XRCC5: variants seen among roughly 807,000 people sequenced by gnomAD.
The protein encoded by XRCC5 is DNA repair protein Ku80.
In XRCC5, 12 loss-of-function variants were observed where a neutral mutation model predicts 95.7. The observed-to-expected ratio is 0.13, with a 90% CI of 0.08 to 0.20. The LOEUF (loss-of-function observed/expected upper bound fraction) is 0.20. XRCC5 is among the 10% of genes least tolerant of loss of function. The pLI is 1.00. For synonymous variants in XRCC5, 281 were observed against 290.3 expected, an observed-to-expected ratio of 0.97 and a Z score of 0.33; for missense variants, 595 against 873.9, an observed-to-expected ratio of 0.68 and a Z score of 4.02.
intron 2 of XRCC5, among the ~76,000 whole-genome samples, chr2:216,114,543 T>TGA (rs1351487776): frequency 6.6e-6 from 1 of 150,650 alleles, no homozygotes; most frequent in Non-Finnish European, 1.5e-5. Context: ...TGGGCATTTG[T>TGA]GAAGCCATGG....
At chr2:216,166,106 T>A (rs2106030147) in intron 16 of XRCC5, among the ~76,000 whole-genome samples, 1 of 152,278 alleles carries the variant, frequency 6.6e-6, no homozygotes, top group South Asian at 2.1e-4. Flanking sequence ...AGAGTTAGAA[T>A]AGAAAACAAT....
Position 216,117,748 on chromosome 2 carries a change from C to G in XRCC5, c.322C>G (p.Leu108Val). The G allele has an allele frequency of 6.2e-7, 1 of 1,614,028 alleles. No individual in the cohort carries two copies. The highest frequency in any genetic ancestry group is 8.5e-7 in the Non-Finnish European group (1 of 1,179,960). The change falls in exon 4 of 21, where the codon CTG becomes GTG. Residue 108 changes from leucine to valine, a missense_variant and splice_region_variant. Leu to Val is a conservative substitution (Grantham distance 32). Coordinates refer to ENST00000392132, the MANE Select transcript of XRCC5 (RefSeq NM_021141.4). ...ATCCCTATCCTTAACTAGCTGAGTCCTGGATGCACTAATCGTGAGCATGGA... is the reference window on the plus strand; with the variant it reads ...ATCCCTATCCTTAACTAGCTGAGTCGTGGATGCACTAATCGTGAGCATGGA... ...IQPGSQQADF[L>V]DALIVSMDVI...
intron 6 of XRCC5, among the ~76,000 whole-genome samples, chr2:216,123,603 C>T (rs562145104): frequency 7.9e-5 from 12 of 152,208 alleles, no homozygotes; most frequent in South Asian, 2.1e-4. Context: ...GTCAGGAGTT[C>T]GAGACCAGCC....
intron 6 of XRCC5, among the ~76,000 whole-genome samples, chr2:216,125,371 AT>A (rs965085761): frequency 2.6e-5 from 4 of 151,792 alleles, no homozygotes; most frequent in Non-Finnish European, 5.9e-5. Context: ...CTAATTTTGT[AT>A]TTTTACTAGA....
chr2:216,136,132 G>A (rs1244505770), intron 10 of XRCC5, among the ~76,000 whole-genome samples: 3 of 152,004 alleles, frequency 2.0e-5, no homozygotes, highest in African/African-American at 4.8e-5. Context: ...CGAGGCAGGC[G>A]GATCACCTGA....
chr2:216,160,659 C>T (rs1253187425), intron 15 of XRCC5, among the ~76,000 whole-genome samples: 3 of 149,278 alleles, frequency 2.0e-5, no homozygotes, highest in Non-Finnish European at 3.0e-5. Context: ...CTTGAAAATA[C>T]TACCTTAATT....
chr2:216,133,240 A>T (rs1257357600), intron 10 of XRCC5, among the ~76,000 whole-genome samples: 1 of 152,276 alleles, frequency 6.6e-6, no homozygotes, highest in Admixed American at 6.5e-5. Context: ...TGAATCTTCA[A>T]ATTTGAGAAT....
chr2:216,130,236 CTTTT>C (rs5838568), intron 8 of XRCC5, among the ~76,000 whole-genome samples: 1 of 125,692 alleles, frequency 8.0e-6, no homozygotes, highest in Admixed American at 7.7e-5. Flanking sequence ...CAGGGCTGGA[CTTTT>C]TTTTTTTTTT....
chr2:216,171,070 A>G (rs189722308), intron 16 of XRCC5, among the ~76,000 whole-genome samples: 80 of 152,328 alleles, frequency 5.3e-4, no homozygotes, highest in Non-Finnish European at 8.5e-4. Flanking sequence ...GCTGGTGGCA[A>G]ACAACAGACG....
chr2:216,159,379 T>C (rs1199597276), intron 14 of XRCC5, among the ~76,000 whole-genome samples: 1 of 152,246 alleles, frequency 6.6e-6, no homozygotes, highest in Non-Finnish European at 1.5e-5. Context: ...GCATGTTGCT[T>C]GAGGCAAGAT....
chr2:216,196,286 T>C (rs1365496180), intron 19 of XRCC5, among the ~76,000 whole-genome samples: 3 of 151,898 alleles, frequency 2.0e-5, no homozygotes, highest in Non-Finnish European at 4.4e-5. Context: ...TGAAGCATAC[T>C]GTAAGATGGT....
Position 216,205,284 on chromosome 2 carries a change from T to C in XRCC5, c.*82T>C. On this transcript the variant is annotated 3_prime_UTR_variant, in exon 21 of 21. Coordinates refer to ENST00000392132, the MANE Select transcript of XRCC5 (RefSeq NM_021141.4). ...TAACAAAACAAGTTGGATGCGGCCA[T>C]TCAAGGGGAGCCAAAATCTCAAGAA... 6.3e-7 allele frequency: 1 copy of C among 1,580,170 alleles called. No homozygotes were observed.
At chr2:216,109,506 A>G in intron 1 of XRCC5, 49 bp downstream of exon 1, 1 of 1,611,394 alleles carries the variant, frequency 6.2e-7, no homozygotes, top group Non-Finnish European at 8.5e-7. Context: ...GGGGATCCGG[A>G]GAGGGTGGTT....
chr2:216,198,289 G>A lies in XRCC5; in HGVS notation c.2109+3303G>A, dbSNP rs2160982. ...GCTTCATCTCAACAAATGACTTTCTGGCCTAGAGCCAGGTGGTGGTTAGAA... is the reference window on the plus strand; with the variant it reads ...GCTTCATCTCAACAAATGACTTTCTAGCCTAGAGCCAGGTGGTGGTTAGAA... On this transcript the variant is annotated intron_variant, in intron 19 of 20. Transcript: ENST00000392132. Among the ~76,000 whole-genome samples the A allele has an allele frequency of 7.1e-3, 1,041 of 147,564 alleles. 39 individuals are homozygous for A. The highest frequency in any genetic ancestry group is 0.066 in the Admixed American group (971 of 14,804).
intron 19 of XRCC5, among the ~76,000 whole-genome samples, chr2:216,203,848 C>T (rs1336561866): frequency 1.9e-4 from 23 of 118,766 alleles, no homozygotes; most frequent in South Asian, 2.8e-4. Context: ...TTATTCTAAG[C>T]TTTTTTTTTT....
rs1032953881 is a variant in XRCC5 at position 216,156,602 on chromosome 2, C to T, written c.1671-3466C>T. 9 of 574,692 alleles carry T rather than the reference C, an allele frequency of 1.6e-5. No individual in the cohort carries two copies. The Middle Eastern group carries it at 1.2e-3, about 75-fold the overall frequency. The allele number at this position is 574,692 out of a possible 1,614,324, so 35.6% of individuals were successfully genotyped here. On this transcript the variant is annotated intron_variant, in intron 14 of 20. Coordinates refer to ENST00000392132, the MANE Select transcript of XRCC5 (RefSeq NM_021141.4). ...CTCACGAACTTGTGCCAGTAGAAGA[C>T]CTGGACTTAACTTCTTTGCATCATC...
intron 14 of XRCC5, among the ~76,000 whole-genome samples, chr2:216,148,820 A>G (rs1325865965): frequency 6.6e-6 from 1 of 152,308 alleles, no homozygotes; most frequent in African/African-American, 2.4e-5. Context: ...TGCTTTTCAT[A>G]TACACTTAAA....
intron 16 of XRCC5, among the ~76,000 whole-genome samples, chr2:216,179,574 G>A (rs779491860): frequency 2.0e-5 from 3 of 152,186 alleles, no homozygotes; most frequent in African/African-American, 4.8e-5. Flanking sequence ...TGAGAATTGA[G>A]GATAGTGAGA....
Position 216,122,248 on chromosome 2 carries a change from A to G in XRCC5, c.678A>G (p.Ser226=), listed in dbSNP as rs142840990. The change falls in exon 6 of 21, where the codon TCA becomes TCG. Residue 226 remains serine (S), a synonymous_variant. Transcript: ENST00000392132. The part of the protein sequence containing the change: ...EGEDGLDEIY[S]FSESLRKLCV... ...AAGATGGGTTGGATGAAATTTATTC[A>G]TTCAGGTAAGAATTGAAAACATTGA... is the stretch of plus-strand genomic sequence containing the variant. 6.2e-7 allele frequency: 1 copy of G among 1,607,400 alleles called. No homozygotes were observed. Among genetic ancestry groups the G allele is most frequent in the African/African-American group, 1.3e-5 (1 of 74,828 alleles).
Sources: allele counts gnomAD v4.1 joint callset (sites outside exome capture counted in the v4.1 genomes callset), GRCh38; gene constraint gnomAD v4.1.1; transcripts MANE v1.5; gene names NCBI Gene and HGNC (gene_info 2026-07-23, HGNC 2026-07-21).